The following FBXO3 variants were observed in gnomAD, a reference collection of about 807,000 sequenced individuals.
FBXO3 encodes F-box only protein 3.
FBXO3 carries 17 observed loss-of-function variants against 64.8 expected under a neutral mutation model. The ratio of observed to expected loss-of-function variants is 0.26; its 90% CI spans 0.18 to 0.39. The LOEUF is 0.39. FBXO3 is among the 10% of genes least tolerant of loss of function. The pLI is 1.00. For synonymous variants in FBXO3, 182 were observed against 201.6 expected (o/e 0.90, Z 0.82); for missense variants, 420 against 589.9 (o/e 0.71, Z 2.98).
intron 8 of FBXO3, 59 bp downstream of exon 8, chr11:33,750,480 C>T (rs1590566170): frequency 1.3e-6 from 2 of 1,572,640 alleles, no homozygotes; most frequent in East Asian, 2.3e-5. Flanking sequence ...ACAATAGCAA[C>T]ATGTCCATTG....
At chr11:33,763,047 A>T (rs1023983395) in intron 3 of FBXO3, among the ~76,000 whole-genome samples, 9 of 152,216 alleles carry the variant, frequency 5.9e-5, no homozygotes, top group Non-Finnish European at 8.8e-5. Flanking sequence ...AACTTATCAA[A>T]ATTGACATAA....
At chr11:33,760,897 A>G (rs1362093571) in intron 3 of FBXO3, among the ~76,000 whole-genome samples, 1 of 152,228 alleles carries the variant, frequency 6.6e-6, no homozygotes, top group Non-Finnish European at 1.5e-5. Flanking sequence ...AAGGGCAACC[A>G]GAAAAGATAA....
intron 3 of FBXO3, among the ~76,000 whole-genome samples, chr11:33,760,498 T>C (rs1021578300): frequency 3.3e-5 from 5 of 151,346 alleles, no homozygotes; most frequent in African/African-American, 1.2e-4. Flanking sequence ...ACCTTAAAAA[T>C]TAGCCAGGGA....
chr11:33,744,026 A>G (rs1156366481), intron 10 of FBXO3: 2 of 152,236 alleles, frequency 1.3e-5, no homozygotes, highest in African/African-American at 4.8e-5. Flanking sequence ...GAATTGTGTC[A>G]CTTAGGATTT....
chr11:33,757,656 TAA>T (rs1170445394), intron 4 of FBXO3, among the ~76,000 whole-genome samples: 8 of 23,974 alleles, frequency 3.3e-4, no homozygotes, highest in African/African-American at 4.7e-4. Flanking sequence ...CACCATCTCT[TAA>T]AAAAAAAAAA....
intron 4 of FBXO3, 70 bp from the exon 5 acceptor site, chr11:33,756,045 G>A: frequency 7.8e-7 from 1 of 1,288,970 alleles, no homozygotes; most frequent in Non-Finnish European, 1.1e-6. Flanking sequence ...TCTTTCTGAT[G>A]AATAATAATT....
At chr11:33,760,574 G>T (rs771249343) in intron 3 of FBXO3, among the ~76,000 whole-genome samples, 4 of 152,208 alleles carry the variant, frequency 2.6e-5, no homozygotes, top group Non-Finnish European at 5.9e-5. Flanking sequence ...GAGCCCAGGA[G>T]TTGGAGGCTG....
At chr11:33,769,793 A>G (rs964246070) in intron 2 of FBXO3, among the ~76,000 whole-genome samples, 3 of 149,628 alleles carry the variant, frequency 2.0e-5, no homozygotes, top group Non-Finnish European at 4.4e-5. Context: ...TGATGCTGCT[A>G]TGAAGACTGG....
chr11:33,771,085 A>G (rs1855499369), intron 1 of FBXO3: 1 of 325,520 alleles, frequency 3.1e-6, no homozygotes. Flanking sequence ...AAAAATATCT[A>G]CAGACCATAT....
rs1854684376 is a variant in FBXO3, at chr11:33,741,468, C to A, written c.*440G>T. On this transcript the variant is annotated 3_prime_UTR_variant, in exon 11 of 11. Transcript: ENST00000265651. ...ATTAGGAATCACTAAATGGATTAGCCTAATTACAAATTTTGATCATTTCTA... is the reference window on the plus strand; with the variant it reads ...ATTAGGAATCACTAAATGGATTAGCATAATTACAAATTTTGATCATTTCTA... The A allele has an allele frequency of 6.5e-6, 1 of 152,946 alleles. No homozygotes were observed. The allele number at this position is 152,946 out of a possible 1,614,324, so 9.5% of individuals were successfully genotyped here. A position where few individuals can be genotyped will look rare whatever the true frequency, so the allele number is the denominator to read the frequency against.
chr11:33,741,179 T>A lies in FBXO3; in HGVS notation c.*729A>T. ...GATGTTGTGAACAATCTTTTGTTAA[T>A]AAACAGCACGTTACATACTTTTACA... is the stretch of plus-strand genomic sequence containing the variant. On this transcript the variant is annotated 3_prime_UTR_variant, in exon 11 of 11. Transcript: ENST00000265651. The A allele has an allele frequency of 6.5e-6, 1 of 152,682 alleles. No homozygotes were observed. Among genetic ancestry groups the A allele is most frequent in the African/African-American group, 2.4e-5 (1 of 41,474 alleles). The allele number at this position is 152,682 out of a possible 1,614,324, so 9.5% of individuals were successfully genotyped here.
chr11:33,750,642 A>T lies in FBXO3; in HGVS notation c.829T>A (p.Cys277Ser). 4 of 1,613,376 alleles carry T rather than the reference A, an allele frequency of 2.5e-6. No individual in the cohort carries two copies. The highest frequency in any genetic ancestry group is 3.4e-6 in the Non-Finnish European group (4 of 1,179,440). The change falls in exon 8 of 11, where the codon TGT becomes AGT. Residue 277 changes from cysteine (C) to serine (S), a missense_variant. Cys to Ser is a moderately radical substitution (Grantham distance 112). This residue lies in a region of FBXO3 where 337 missense variants were observed against 518.4 expected (regional missense o/e 0.65). Transcript: ENST00000265651. ...QIFRYVHDPE[C>S]VATTGDITVS... The stretch of plus-strand genomic sequence containing the variant: ...GTAATATCCCCAGTTGTTGCTACAC[A>T]TTCTGGATCGTGAACATATCTAGGT...
chr11:33,766,733 C>T (rs2133620321), intron 3 of FBXO3, among the ~76,000 whole-genome samples: 1 of 152,308 alleles, frequency 6.6e-6, no homozygotes, highest in Admixed American at 6.5e-5. Context: ...TATAACCTTG[C>T]AATTGAATCA....
At chr11:33,748,954 A>T in intron 8 of FBXO3, 62 bp from the exon 9 acceptor site, 1 of 1,140,320 alleles carries the variant, frequency 8.8e-7, no homozygotes. Flanking sequence ...TTGGTTTAAG[A>T]GATACAGTAT....
chr11:33,757,149 A>AG, intron 4 of FBXO3: 1 of 505,510 alleles, frequency 2.0e-6, no homozygotes, highest in Non-Finnish European at 4.0e-6. Flanking sequence ...TCACATACAA[A>AG]GGAACACCAG....
chr11:33,742,054 C>T lies in FBXO3; in HGVS notation c.1270G>A (p.Glu424Lys), dbSNP rs1418203264. 2 of 1,605,208 alleles carry T rather than the reference C, an allele frequency of 1.2e-6. No homozygotes were observed. Among genetic ancestry groups the T allele is most frequent in the Non-Finnish European group, 1.7e-6 (2 of 1,175,244 alleles). The change falls in exon 11 of 11, where the codon GAA becomes AAA. Residue 424 changes from glutamate to lysine, a missense_variant. By Grantham distance (56) the Glu-to-Lys change is moderately conservative (BLOSUM62 1). Transcript: ENST00000265651. ...TCCTCTTCCTCCTCCTCCTCTTCTT[C>T]CATCTCTTCATATTCATCAGGACCC... ...EMGPDEYEEM[E>K]EEEEEEEEED... is the part of the protein sequence containing the mutation.
intron 3 of FBXO3, among the ~76,000 whole-genome samples, chr11:33,764,218 G>C (rs982772041): frequency 6.6e-6 from 1 of 152,160 alleles, no homozygotes; most frequent in African/African-American, 2.4e-5. Context: ...CAAAAAGATT[G>C]AATCTCACAA....
At chr11:33,757,948 C>G (rs1353290992) in intron 4 of FBXO3, among the ~76,000 whole-genome samples, 1 of 148,452 alleles carries the variant, frequency 6.7e-6, no homozygotes, top group Non-Finnish European at 1.5e-5. Context: ...CGAGCAAGAC[C>G]CTGTCTCAAA....
rs760767153 is a variant in FBXO3, at chr11:33,741,999, A to G, written c.1325T>C (p.Met442Thr). ...EEDEDDDSADMDESDEDDEEE... is the reference protein window; with the variant it reads ...EEDEDDDSADTDESDEDDEEE... ...TTCATCATCTTCATCTGATTCATCC[A>G]TATCTGCTGAATCATCATCCTCGTC... Residue 442 changes from methionine to threonine, a missense_variant, in exon 11 of 11, where the codon ATG (methionine) becomes ACG (threonine). Coordinates refer to ENST00000265651, the MANE Select transcript of FBXO3 (RefSeq NM_012175.4). 6.2e-7 allele frequency: 1 copy of G among 1,605,028 alleles called. No homozygotes were observed. The highest frequency in any genetic ancestry group is 8.5e-7 in the Non-Finnish European group (1 of 1,171,772).
Sources: allele counts gnomAD v4.1 joint callset (sites outside exome capture counted in the v4.1 genomes callset), GRCh38; gene constraint gnomAD v4.1.1; regional missense constraint gnomAD v4.1.1; transcripts MANE v1.5; gene names NCBI Gene and HGNC (gene_info 2026-07-23, HGNC 2026-07-21).